Variants in FMNL3 observed in about 807,000 individuals in gnomAD.
FMNL3 encodes the protein formin-like protein 3.
In FMNL3, 57 loss-of-function variants were observed where a neutral mutation model predicts 119.6. The observed-to-expected ratio is 0.48, with a 90% confidence interval of 0.39 to 0.59. The LOEUF is 0.59. Ranked by LOEUF, FMNL3 falls within the 20% of genes least tolerant of loss-of-function variation. The probability of loss-of-function intolerance (pLI) is 0.00; values close to 1 mark genes in which losing one functional copy is unlikely to be tolerated. For missense variants in FMNL3, 1,053 were observed against 1,323.5 expected (o/e 0.80, Z 3.17); for synonymous variants, 491 against 507.3 (o/e 0.97, Z 0.43).
intron 13 of FMNL3, among the ~76,000 whole-genome samples, chr12:49,652,545 T>C (rs539163690): frequency 6.6e-6 from 1 of 152,306 alleles, no homozygotes; most frequent in South Asian, 2.1e-4. Context: ...AGCGGCTCTC[T>C]CCATAACCCT....
intron 9 of FMNL3, 116 bp downstream of exon 9, chr12:49,656,288 C>CA: frequency 1.4e-6 from 1 of 733,402 alleles, no homozygotes; most frequent in Non-Finnish European, 2.2e-6. Flanking sequence ...GCTGCTTGGC[C>CA]AAGCATTGGG....
Position 49,649,165 on chromosome 12 carries a change from G to C in FMNL3, c.2386-7C>G. 6.2e-7 allele frequency: 1 copy of C among 1,612,352 alleles called. No individual in the cohort carries two copies. Among genetic ancestry groups the C allele is most frequent in the Non-Finnish European group, 8.5e-7 (1 of 1,179,076 alleles). On this transcript the variant is annotated splice_region_variant and splice_polypyrimidine_tract_variant and intron_variant, in intron 20 of 25. Coordinates refer to ENST00000335154, the MANE Select transcript of FMNL3 (RefSeq NM_175736.5). The surrounding 1 kb of genome is among the most constrained non-coding windows in gnomAD (Gnocchi z 5.6). ...TGGACTTGGTATCCAGCAGCTAGGA[G>C]AGGGGGTGAGGGCGGTGCACAAGAG...
chr12:49,665,493 C>T (rs1288471901), intron 4 of FMNL3, among the ~76,000 whole-genome samples: 1 of 152,224 alleles, frequency 6.6e-6, no homozygotes, highest in Non-Finnish European at 1.5e-5. Flanking sequence ...CACCCTCAGC[C>T]TTCTCTGAGC....
chr12:49,668,413 G>A, intron 2 of FMNL3, 58 bp downstream of exon 2: 1 of 1,564,238 alleles, frequency 6.4e-7, no homozygotes. Flanking sequence ...TGGCCCCACA[G>A]CCTTAGCCAG....
rs1942880340 is a variant in FMNL3, at chr12:49,643,028, T to C, written c.*2787A>G. The C allele has an allele frequency of 6.2e-7, 1 of 1,612,920 alleles. No individual in the cohort carries two copies. On this transcript the variant is annotated 3_prime_UTR_variant, in exon 26 of 26. Coordinates refer to ENST00000335154, the MANE Select transcript of FMNL3 (RefSeq NM_175736.5). ...CCCACTCACCCTCAGTGAGTAAGCG[T>C]GTAGAAGGGACATGGGGTGAAGCTG...
In FMNL3 at chr12:49,643,174, T is replaced by C; in HGVS notation, c.*2641A>G. 1.9e-6 allele frequency: 3 copies of C among 1,608,052 alleles called. No homozygotes were observed. The highest frequency in any genetic ancestry group is 2.6e-6 in the Non-Finnish European group (3 of 1,176,314). ...TCTCGAATTCCCAGACGAGGGCTTC[T>C]GGAGGGCAGAGAACCTCTGCACTGA... On this transcript the variant is annotated 3_prime_UTR_variant, in exon 26 of 26. Coordinates refer to ENST00000335154, the MANE Select transcript of FMNL3 (RefSeq NM_175736.5).
chr12:49,702,135 C>T lies in FMNL3; in HGVS notation c.126+4920G>A, dbSNP rs1363885617. ...TGTGGGCAACAAAGCAAGACCCCAT[C>T]TCTACAAAAAATGAAAAAATTAGCC... is the stretch of plus-strand genomic sequence containing the variant. On this transcript the variant is annotated intron_variant, in intron 1 of 25. Coordinates refer to ENST00000335154, the MANE Select transcript of FMNL3 (RefSeq NM_175736.5). Among the ~76,000 whole-genome samples the T allele has an allele frequency of 2.0e-5, 3 of 152,090 alleles. No individual in the cohort carries two copies. In the East Asian group the frequency reaches 5.8e-4, roughly 29 times the overall value.
At chr12:49,654,022 G>A (rs1190204437) in intron 11 of FMNL3, 148 bp from the exon 12 acceptor site, 3 of 1,282,562 alleles carry the variant, frequency 2.3e-6, no homozygotes, top group South Asian at 1.5e-5. Flanking sequence ...CGCCCCCATG[G>A]AGCTGCCTGA....
At chr12:49,662,145 G>A in intron 4 of FMNL3, 96 bp from the exon 5 acceptor site, 1 of 1,126,592 alleles carries the variant, frequency 8.9e-7, no homozygotes, top group Non-Finnish European at 1.3e-6. Context: ...CCTCCTCCTG[G>A]AACCCAGCAC....
Position 49,647,877 on chromosome 12 carries a change from G to T in FMNL3, c.2677-73C>A. 8.0e-7 allele frequency: 1 copy of T among 1,246,622 alleles called. No homozygotes were observed. The highest frequency in any genetic ancestry group is 1.2e-6 in the Non-Finnish European group (1 of 859,078). The allele number at this position is 1,246,622 out of a possible 1,614,324, so 77.2% of individuals were successfully genotyped here. A position where few individuals can be genotyped will look rare whatever the true frequency, so the allele number is the denominator to read the frequency against. ...CCAGCTCCCACACCACGGATGAGAG[G>T]CCTGCAGAAAGCAGAGCCCAGGGCC... On this transcript the variant is annotated intron_variant, in intron 22 of 25. Coordinates refer to ENST00000335154, the MANE Select transcript of FMNL3 (RefSeq NM_175736.5). This position sits in a 1 kb window ranked among gnomAD's most constrained non-coding sequence, Gnocchi z 4.9.
chr12:49,647,344 G>A lies in FMNL3; in HGVS notation c.2803C>T (p.Arg935Cys), dbSNP rs770163200. 2.1e-5 allele frequency: 34 copies of A among 1,613,254 alleles called. No individual in the cohort carries two copies. Among genetic ancestry groups the A allele is most frequent in the Admixed American group, 1.2e-4 (7 of 59,992 alleles). Residue 935 changes from arginine to cysteine, a missense_variant, in exon 24 of 26, where the codon CGC (arginine) becomes TGC (cysteine). By Grantham distance (180) the Arg-to-Cys change is radical. Coordinates refer to ENST00000335154, the MANE Select transcript of FMNL3 (RefSeq NM_175736.5). This position sits in a 1 kb window ranked among gnomAD's most constrained non-coding sequence, Gnocchi z 4.9. Reference sequence around the variant, plus strand: ...CGCATTACCTCCTCCTGCTTCTTGCGGGCTTCATTCTCTTGTTCTGCTTCC... The same window carrying A: ...CGCATTACCTCCTCCTGCTTCTTGCAGGCTTCATTCTCTTGTTCTGCTTCC... ...YKEAEQENEA[R>C]KKQEEVMREK...
chr12:49,659,718 T>A (rs1181941180), intron 5 of FMNL3: 2 of 967,304 alleles, frequency 2.1e-6, no homozygotes, highest in Non-Finnish European at 1.2e-6. Flanking sequence ...CCAGCGACCG[T>A]CAGCAGTTTG....
At position 49,638,034 on chromosome 12, in the gene FMNL3, G is replaced by T. The variant is rs1413708867; in HGVS notation, c.*7781C>A. 16 of 558,422 alleles carry T rather than the reference G, an allele frequency of 2.9e-5. No individual in the cohort carries two copies. Among genetic ancestry groups the T allele is most frequent in the Non-Finnish European group, 4.5e-5 (14 of 313,318 alleles). The allele number at this position is 558,422 out of a possible 1,614,324, so 34.6% of individuals were successfully genotyped here. A position where few individuals can be genotyped will look rare whatever the true frequency, so the allele number is the denominator to read the frequency against. ...TGGTCTAATAGGAAGATATACATGAGAACTGTTATACAAAGGGGCAAGTGT... is the reference window on the plus strand; with the variant it reads ...TGGTCTAATAGGAAGATATACATGATAACTGTTATACAAAGGGGCAAGTGT... On this transcript the variant is annotated 3_prime_UTR_variant, in exon 26 of 26. Coordinates refer to ENST00000335154, the MANE Select transcript of FMNL3 (RefSeq NM_175736.5).
At chr12:49,656,666 GGA>G (rs1483041129) in intron 8 of FMNL3, among the ~76,000 whole-genome samples, 155 bp downstream of exon 8, 2 of 152,168 alleles carry the variant, frequency 1.3e-5, no homozygotes, top group African/African-American at 4.8e-5. Context: ...GTAGACCAGA[GGA>G]GAGCCAGGGA....
rs1240561628 is a variant in FMNL3 at position 49,654,193 on chromosome 12, T to C, written c.1070A>G (p.Gln357Arg). 1 of 1,613,832 alleles carries C rather than the reference T, an allele frequency of 6.2e-7. No homozygotes were observed. The highest frequency in any genetic ancestry group is 1.7e-5 in the Admixed American group (1 of 60,006). The change falls in exon 11 of 26, where the codon CAG becomes CGG. Residue 357 changes from glutamine to arginine, a missense_variant and splice_region_variant. Gln to Arg is a conservative substitution (Grantham distance 43). This residue lies in a region of FMNL3 where 445 missense variants were observed against 628.4 expected (regional missense o/e 0.71). Transcript: ENST00000335154. ...FTKLGLEEFL[Q>R]KSRHTESEKL... ...TTACAAGGACCCCAGCCAGCTCACCTGCAGGAACTCCTCTAGCCCCAGCTT... is the reference window on the plus strand; with the variant it reads ...TTACAAGGACCCCAGCCAGCTCACCCGCAGGAACTCCTCTAGCCCCAGCTT...
rs1942089136 is a variant in FMNL3, at chr12:49,638,043, T to C, written c.*7772A>G. 1.7e-5 allele frequency: 9 copies of C among 542,230 alleles called. No individual in the cohort carries two copies. In the South Asian group the frequency reaches 1.9e-4, roughly 12 times the overall value. The allele number at this position is 542,230 out of a possible 1,614,324, so 33.6% of individuals were successfully genotyped here. A position where few individuals can be genotyped will look rare whatever the true frequency, so the allele number is the denominator to read the frequency against. ...AGGAAGATATACATGAGAACTGTTATACAAAGGGGCAAGTGTTATTACAGA... is the reference window on the plus strand; with the variant it reads ...AGGAAGATATACATGAGAACTGTTACACAAAGGGGCAAGTGTTATTACAGA... On this transcript the variant is annotated 3_prime_UTR_variant, in exon 26 of 26. Transcript: ENST00000335154.
At chr12:49,657,300 T>C in intron 6 of FMNL3, 110 bp from the exon 7 acceptor site, 1 of 781,344 alleles carries the variant, frequency 1.3e-6, no homozygotes, top group South Asian at 1.6e-5. Context: ...TGGCAAAAAA[T>C]AGGGAATAGC....
chr12:49,706,948 C>A (rs1945064968), intron 1 of FMNL3, 107 bp downstream of exon 1: 4 of 1,323,180 alleles, frequency 3.0e-6, no homozygotes, highest in Non-Finnish European at 2.1e-6. Context: ...CCGTTCGGGA[C>A]CCCGACTGAA....
At chr12:49,657,323 C>A in intron 6 of FMNL3, 133 bp from the exon 7 acceptor site, 1 of 655,824 alleles carries the variant, frequency 1.5e-6, no homozygotes, top group Admixed American at 2.5e-5. Flanking sequence ...CTCGTACCAA[C>A]AGCCAAGAGG....
Sources: allele counts gnomAD v4.1 joint callset (sites outside exome capture counted in the v4.1 genomes callset), GRCh38; gene constraint gnomAD v4.1.1; regional missense constraint gnomAD v4.1.1; non-coding constraint Gnocchi (gnomAD v3.1); transcripts MANE v1.5; gene names NCBI Gene and HGNC (gene_info 2026-07-23, HGNC 2026-07-21).